HPF1: variants seen among roughly 807,000 people sequenced by gnomAD.
HPF1 encodes histone PARylation factor 1, also known as UPF0609 protein C4orf27.
Under a neutral mutation model 38.8 loss-of-function variants are expected in HPF1, and 35 were observed. That is an observed-to-expected ratio of 0.90 (90% CI 0.69 to 1.19). HPF1 has a LOEUF of 1.19. Among genes scored for constraint, HPF1 ranks in the 50% most tolerant of loss-of-function variants. HPF1 has a pLI of 0.00. For synonymous variants in HPF1, 115 were observed against 139.2 expected, an observed-to-expected ratio of 0.83 and a Z score of 1.22; for missense variants, 367 against 405.8, an observed-to-expected ratio of 0.90 and a Z score of 0.82.
At chr4:169,745,852 T>C (rs1041738141) in intron 4 of HPF1, among the ~76,000 whole-genome samples, 7 of 152,226 alleles carry the variant, frequency 4.6e-5, no homozygotes, top group African/African-American at 1.4e-4. Context: ...GCTGCTACCC[T>C]GGTGGCACTA....
rs1205824843 is a variant in HPF1 at position 169,757,926 on chromosome 4, A to T, written c.-49T>A. On this transcript the variant is annotated 5_prime_UTR_variant, in exon 1 of 8. Coordinates refer to ENST00000393381, the MANE Select transcript of HPF1 (RefSeq NM_017867.3). ...ATTCCCCGATCCGCGGCCGCTTCCG[A>T]GCGCCGCCAACCGCTTCCGGGTTCA... 6.6e-7 allele frequency: 1 copy of T among 1,523,128 alleles called. No individual in the cohort carries two copies. The highest frequency in any genetic ancestry group is 8.8e-7 in the Non-Finnish European group (1 of 1,135,288). 94.4% of individuals were successfully genotyped at this position (1,523,128 alleles called of 1,614,324 possible).
intron 4 of HPF1, among the ~76,000 whole-genome samples, chr4:169,746,454 G>A (rs1205752446): frequency 1.3e-5 from 2 of 151,830 alleles, no homozygotes; most frequent in Non-Finnish European, 2.9e-5. Flanking sequence ...TTCTACAAAA[G>A]TTTTACCAAT....
intron 4 of HPF1, among the ~76,000 whole-genome samples, chr4:169,746,679 A>G (rs770667840): frequency 6.6e-6 from 1 of 152,060 alleles, no homozygotes; most frequent in Non-Finnish European, 1.5e-5. Flanking sequence ...TAAATTTTAA[A>G]ATATATAAAG....
At chr4:169,731,184 G>C (rs1733823181) in intron 7 of HPF1, among the ~76,000 whole-genome samples, 1 of 152,158 alleles carries the variant, frequency 6.6e-6, no homozygotes, top group South Asian at 2.1e-4. Context: ...CACTGGTTTA[G>C]CTATTAAGTA....
chr4:169,754,895 T>C (rs1734166890), intron 1 of HPF1, among the ~76,000 whole-genome samples: 2 of 152,020 alleles, frequency 1.3e-5, no homozygotes, highest in South Asian at 2.1e-4. Context: ...CTGAGCTAGA[T>C]GTTTCTCATA....
chr4:169,736,377 G>T (rs2173828), intron 6 of HPF1, among the ~76,000 whole-genome samples: 4 of 132,020 alleles, frequency 3.0e-5, no homozygotes, highest in African/African-American at 1.4e-4. Context: ...AAAAAAAAAA[G>T]AAGTAAAAAA....
rs1352801721 is a variant in HPF1 at position 169,757,853 on chromosome 4, T to G, written c.25A>C (p.Arg9=). 6.4e-7 allele frequency: 1 copy of G among 1,565,010 alleles called. No individual in the cohort carries two copies. The highest frequency in any genetic ancestry group is 1.8e-5 in the Admixed American group (1 of 55,888). The change falls in exon 1 of 8, where the codon AGG becomes CGG. Residue 9 remains arginine, a synonymous_variant. Transcript: ENST00000393381. The part of the protein sequence containing the change: MVGGGGKR[R]PGGEGPQCEK... ...ACCTGCGGCCCCTCTCCGCCGGGCC[T>G]GCGCTTCCCGCCACCGCCGACCATT...
intron 4 of HPF1, among the ~76,000 whole-genome samples, chr4:169,743,746 G>A (rs557076018): frequency 2.1e-4 from 32 of 152,186 alleles, no homozygotes; most frequent in African/African-American, 7.2e-4. Context: ...GGCTGAGGGA[G>A]TAACAACTCC....
At chr4:169,757,311 G>C (rs941758958) in intron 1 of HPF1, among the ~76,000 whole-genome samples, 45 of 152,342 alleles carry the variant, frequency 3.0e-4, no homozygotes, top group African/African-American at 1.0e-3. Flanking sequence ...AATTTTCAAA[G>C]AGTTGTCTTA....
chr4:169,755,200 CA>C (rs1213687327), intron 1 of HPF1, among the ~76,000 whole-genome samples: 3 of 151,994 alleles, frequency 2.0e-5, no homozygotes, highest in Non-Finnish European at 2.9e-5. Context: ...AGAGCAAAAA[CA>C]GAACAAATGA....
intron 6 of HPF1, chr4:169,732,094 T>G (rs1445513821): frequency 2.4e-5 from 11 of 457,560 alleles, no homozygotes; most frequent in Non-Finnish European, 4.2e-5. Context: ...TAACAAGTAT[T>G]TCTTTATTAA....
chr4:169,733,683 C>T (rs1425283961), intron 6 of HPF1, among the ~76,000 whole-genome samples: 1 of 151,962 alleles, frequency 6.6e-6, no homozygotes, highest in East Asian at 1.9e-4. Context: ...ACTGCTTGAA[C>T]CCAGGAATTG....
At chr4:169,743,409 C>CTTTTTTTT (rs34941625) in intron 4 of HPF1, among the ~76,000 whole-genome samples, 18 of 69,738 alleles carry the variant, frequency 2.6e-4, no homozygotes, top group African/African-American at 8.4e-4. Context: ...TGCCCCTGGC[C>CTTTTTTTT]TTTTTTTTTT....
At chr4:169,734,002 A>G (rs142863763) in intron 6 of HPF1, among the ~76,000 whole-genome samples, 2 of 152,232 alleles carry the variant, frequency 1.3e-5, no homozygotes, top group Non-Finnish European at 1.5e-5. Flanking sequence ...TGACGACAGT[A>G]CAGAATACAT....
At chr4:169,734,350 C>A (rs993414891) in intron 6 of HPF1, among the ~76,000 whole-genome samples, 2 of 152,144 alleles carry the variant, frequency 1.3e-5, no homozygotes, top group African/African-American at 2.4e-5. Flanking sequence ...GTGCTCCAGT[C>A]AGCCACTACA....
In HPF1 at chr4:169,747,000, A is replaced by AAAC. The variant is rs1560890253; in HGVS notation, c.497+1743_497+1744insGTT. Among the ~76,000 whole-genome samples the AAAC allele has an allele frequency of 1.8e-4, 24 of 134,336 alleles. No homozygotes were observed. The East Asian group carries it at 4.3e-3, about 24-fold the overall frequency. 88.1% of individuals were successfully genotyped at this position (134,336 alleles called of 152,430 possible). A position where few individuals can be genotyped will look rare whatever the true frequency, so the allele number is the denominator to read the frequency against. On this transcript the variant is annotated intron_variant, in intron 4 of 7. Coordinates refer to ENST00000393381, the MANE Select transcript of HPF1 (RefSeq NM_017867.3). ...ATTATGTTATCTTTTTTTAAAAAAA[A>AAAC]AAAAAAACATGACTAATAACACAAA...
At chr4:169,743,255 A>G (rs1428469461) in intron 4 of HPF1, among the ~76,000 whole-genome samples, 5 of 151,002 alleles carry the variant, frequency 3.3e-5, no homozygotes, top group African/African-American at 4.9e-5. Flanking sequence ...GATTACAGGT[A>G]CATGCCACCA....
chr4:169,743,641 A>AT (rs1221824306), intron 4 of HPF1, among the ~76,000 whole-genome samples: 1 of 152,062 alleles, frequency 6.6e-6, no homozygotes, highest in Non-Finnish European at 1.5e-5. Context: ...ATAATTTTAT[A>AT]TTTTGTCATA....
chr4:169,752,168 CT>C lies in HPF1; in HGVS notation c.209-1444del, dbSNP rs35247508. Among the ~76,000 whole-genome samples, 1,021 of 107,142 alleles carry C rather than the reference CT, an allele frequency of 9.5e-3. 7 individuals are homozygous for C. Among genetic ancestry groups the C allele is most frequent in the African/African-American group, 0.023 (619 of 27,252 alleles). 70.3% of individuals were successfully genotyped at this position (107,142 alleles called of 152,430 possible). On this transcript the variant is annotated intron_variant, in intron 2 of 7. Coordinates refer to ENST00000393381, the MANE Select transcript of HPF1 (RefSeq NM_017867.3). The stretch of plus-strand genomic sequence containing the variant: ...AATAAATGTTTGTATACAGGCATGA[CT>C]TTTTTTTTTTTTTTTTTTTGAGATG...
Sources: allele counts gnomAD v4.1 joint callset (sites outside exome capture counted in the v4.1 genomes callset), GRCh38; gene constraint gnomAD v4.1.1; transcripts MANE v1.5; gene names NCBI Gene and HGNC (gene_info 2026-07-23, HGNC 2026-07-21).